Variants in SIGLEC8 observed in about 807,000 individuals in gnomAD.
The protein encoded by SIGLEC8 is sialic acid-binding Ig-like lectin 8.
A neutral mutation model predicts 42.1 loss-of-function variants in SIGLEC8; 32 were observed. The observed-to-expected ratio is 0.76, with a 90% CI of 0.57 to 1.02. The LOEUF is 1.02. Among genes scored for constraint, SIGLEC8 ranks in the 50% least tolerant of loss-of-function variants. The pLI is 0.00. For synonymous variants in SIGLEC8, 262 were observed against 260.3 expected, an observed-to-expected ratio of 1.01 and a Z score of -0.06; for missense variants, 611 against 610.2, an observed-to-expected ratio of 1.00 and a Z score of -0.01.
chr19:51,457,154 C>T, intron 3 of SIGLEC8, 30 bp downstream of exon 3: 1 of 1,608,702 alleles, frequency 6.2e-7, no homozygotes, highest in South Asian at 1.1e-5. Context: ...GCCCTGCTCC[C>T]CCAACCCCAG....
In SIGLEC8 at chr19:51,451,101, A is replaced by T. The variant is rs1343952499; in HGVS notation, c.*1278T>A. ...GGAAGGGGAACCAGGCACATCTTAC[A>T]TGGTGGCAGGCAAGAGAGAAGAGCA... is the stretch of plus-strand genomic sequence containing the variant. On this transcript the variant is annotated 3_prime_UTR_variant, in exon 7 of 7. Transcript: ENST00000321424. 1 of 152,266 alleles carries T rather than the reference A, an allele frequency of 6.6e-6. No homozygotes were observed. The highest frequency in any genetic ancestry group is 2.4e-5 in the African/African-American group (1 of 41,540). 9.4% of individuals were successfully genotyped at this position (152,266 alleles called of 1,614,324 possible).
rs768450422 is a variant in SIGLEC8 at position 51,455,592 on chromosome 19, G to C, written c.877C>G (p.Leu293Val). Residue 293 changes from leucine to valine, a missense_variant, in exon 4 of 7, where the codon CTG (leucine) becomes GTG (valine). Physicochemically the swap from Leu to Val is conservative, Grantham distance 32. Coordinates refer to ENST00000321424, the MANE Select transcript of SIGLEC8 (RefSeq NM_014442.3). ...CAVNSNPPAR[L>V]SWTRGSLTLC... The stretch of plus-strand genomic sequence containing the variant: ...GTCAGGCTCCCCCGGGTCCAGCTCA[G>C]CCTGGCAGGGGGATTGCTGTTGACA... 4 of 1,614,172 alleles carry C rather than the reference G, an allele frequency of 2.5e-6. No homozygotes were observed. The South Asian group carries it at 4.4e-5, about 18-fold the overall frequency.
In SIGLEC8 at chr19:51,455,409, C is replaced by T. The variant is rs1989465063; in HGVS notation, c.1051+9G>A. 1.2e-6 allele frequency: 2 copies of T among 1,612,374 alleles called. No homozygotes were observed. Among genetic ancestry groups the T allele is most frequent in the Non-Finnish European group, 1.7e-6 (2 of 1,179,498 alleles). ...TGTGTTCTCCTCCTCCAGCCCCTCC[C>T]TTACCCACCTGTGCCCTCATTCTGC... On this transcript the variant is annotated intron_variant, in intron 4 of 6. Coordinates refer to ENST00000321424, the MANE Select transcript of SIGLEC8 (RefSeq NM_014442.3).
In SIGLEC8 at chr19:51,458,253, C is replaced by T. The variant is rs1268143994; in HGVS notation, c.135G>A (p.Val45=). Residue 45 remains valine (V), a synonymous_variant, in exon 1 of 7, where the codon GTG becomes GTA. Coordinates refer to ENST00000321424, the MANE Select transcript of SIGLEC8 (RefSeq NM_014442.3). ...VTVQEGLCVH[V]PCSFSYPQDG... ...CCTGGGGGTAGGAGAAGGAGCAGGGCACATGGACACACAGGCCCTCCTGCA... is the reference window on the plus strand; with the variant it reads ...CCTGGGGGTAGGAGAAGGAGCAGGGTACATGGACACACAGGCCCTCCTGCA... 1 of 1,614,138 alleles carries T rather than the reference C, an allele frequency of 6.2e-7. No individual in the cohort carries two copies. Among genetic ancestry groups the T allele is most frequent in the South Asian group, 1.1e-5 (1 of 91,084 alleles).
chr19:51,452,757 G>A, intron 6 of SIGLEC8, 124 bp from the exon 7 acceptor site: 2 of 866,082 alleles, frequency 2.3e-6, no homozygotes, highest in Middle Eastern at 3.9e-4. Flanking sequence ...TTGTCGAAGT[G>A]TCTTTCATGC....
Position 51,451,654 on chromosome 19 carries a change from C to G in SIGLEC8, c.*725G>C, listed in dbSNP as rs906488993. The G allele has an allele frequency of 1.3e-5, 2 of 152,190 alleles. No homozygotes were observed. Among genetic ancestry groups the G allele is most frequent in the Non-Finnish European group, 2.9e-5 (2 of 68,042 alleles). 9.4% of individuals were successfully genotyped at this position (152,190 alleles called of 1,614,324 possible). ...AGAGACCCAGTGAGATTTCCACACC[C>G]GGATACATCGTGGAACCATCAAGGC... On this transcript the variant is annotated 3_prime_UTR_variant, in exon 7 of 7. Coordinates refer to ENST00000321424, the MANE Select transcript of SIGLEC8 (RefSeq NM_014442.3).
In SIGLEC8 at chr19:51,451,981, C is replaced by A. The variant is rs565527536; in HGVS notation, c.*398G>T. ...GCTGAGGCAGGAGAATCGTTTGAAC[C>A]CAGGAGGTGGAGGTTGCAGTGAGCA... is the stretch of plus-strand genomic sequence containing the variant. On this transcript the variant is annotated 3_prime_UTR_variant, in exon 7 of 7. Transcript: ENST00000321424. 6.0e-4 allele frequency: 92 copies of A among 154,362 alleles called. No homozygotes were observed. The highest frequency in any genetic ancestry group is 1.4e-3 in the Admixed American group (21 of 15,346). 9.6% of individuals were successfully genotyped at this position (154,362 alleles called of 1,614,324 possible). A position where few individuals can be genotyped will look rare whatever the true frequency, so the allele number is the denominator to read the frequency against.
chr19:51,457,263 C>G (rs1568515616), intron 2 of SIGLEC8, 32 bp from the exon 3 acceptor site: 2 of 1,603,176 alleles, frequency 1.2e-6, no homozygotes, highest in African/African-American at 2.7e-5. Context: ...ACCCACATTA[C>G]TATAAGGACT....
rs780772615 is a variant in SIGLEC8 at position 51,457,577 on chromosome 19, G to A, written c.617C>T (p.Ser206Phe). ...VSSPGPTTAR[S>F]SVLTLTPKPQ... ...CTTTGGGGTAAGGGTGAGCACTGAG[G>A]AGCGGGCAGTAGTGGGGCCCGGGGA... Residue 206 changes from serine to phenylalanine, a missense_variant, in exon 2 of 7, where the codon TCC becomes TTC. Physicochemically the swap from Ser to Phe is radical, Grantham distance 155. Coordinates refer to ENST00000321424, the MANE Select transcript of SIGLEC8 (RefSeq NM_014442.3). The A allele has an allele frequency of 1.9e-6, 3 of 1,613,862 alleles. No homozygotes were observed. Among genetic ancestry groups the A allele is most frequent in the African/African-American group, 1.3e-5 (1 of 75,036 alleles).
rs767184536 is a variant in SIGLEC8 at position 51,457,750 on chromosome 19, T to C, written c.455-11A>G. 5 of 1,564,008 alleles carry C rather than the reference T, an allele frequency of 3.2e-6. No individual in the cohort carries two copies. Among genetic ancestry groups the C allele is most frequent in the Non-Finnish European group, 2.6e-6 (3 of 1,158,830 alleles). ...GCCTATGGGTCAGGGCTGGTGAAGA[T>C]GGGGACACAGGATCAGGAGGAGGTA... is the stretch of plus-strand genomic sequence containing the variant. On this transcript the variant is annotated splice_polypyrimidine_tract_variant and intron_variant, in intron 1 of 6. Coordinates refer to ENST00000321424, the MANE Select transcript of SIGLEC8 (RefSeq NM_014442.3).
At position 51,452,386 on chromosome 19, in the gene SIGLEC8, C is replaced by G; in HGVS notation, c.1493G>C (p.Arg498Thr). 1 of 1,599,064 alleles carries G rather than the reference C, an allele frequency of 6.3e-7. No homozygotes were observed. The highest frequency in any genetic ancestry group is 8.6e-7 in the Non-Finnish European group (1 of 1,167,528). Reference sequence around the variant, plus strand: ...GTTCTTGTTCTATGAGAATCAGCCTCTGACTTCTTTGCTGGAGGGGTTGTG... The same window carrying G: ...GTTCTTGTTCTATGAGAATCAGCCTGTGACTTCTTTGCTGGAGGGGTTGTG... ...RNHNPSSKEVRG is the reference protein window; with the variant it reads ...RNHNPSSKEVTG The change falls in exon 7 of 7, where the codon AGA becomes ACA. Residue 498 changes from arginine to threonine, a missense_variant. Arg to Thr is a moderately conservative substitution (Grantham distance 71). Transcript: ENST00000321424.
rs952498817 is a variant in SIGLEC8 at position 51,454,376 on chromosome 19, A to G, written c.1149-61T>C. The G allele has an allele frequency of 2.5e-6, 4 of 1,611,748 alleles. No homozygotes were observed. In the African/African-American group the frequency reaches 5.3e-5, roughly 22 times the overall value. Reference sequence around the variant, plus strand: ...CAGATCGGGGTGCAGTGGGCAGACCAACCCCTGCCCTGTATTTCCTACTGG... The same window carrying G: ...CAGATCGGGGTGCAGTGGGCAGACCGACCCCTGCCCTGTATTTCCTACTGG... On this transcript the variant is annotated intron_variant, in intron 5 of 6. Transcript: ENST00000321424. This position sits in a 1 kb window ranked among gnomAD's most constrained non-coding sequence, Gnocchi z 4.7.
At chr19:51,453,108 A>T (rs1201345268) in intron 6 of SIGLEC8, among the ~76,000 whole-genome samples, 4 of 149,584 alleles carry the variant, frequency 2.7e-5, no homozygotes, top group African/African-American at 9.9e-5. Context: ...TTTTTTTTTG[A>T]GACAGAGTCT....
In SIGLEC8 at chr19:51,452,212, A is replaced by G. The variant is rs1168678721; in HGVS notation, c.*167T>C. ...TGGAATCTAAAATAGTCAACCTCAG[A>G]GAGGTCGAGAGGAGAATGGTGGGTA... On this transcript the variant is annotated 3_prime_UTR_variant, in exon 7 of 7. Transcript: ENST00000321424. 4 of 520,870 alleles carry G rather than the reference A, an allele frequency of 7.7e-6. No individual in the cohort carries two copies. Among genetic ancestry groups the G allele is most frequent in the Non-Finnish European group, 1.4e-5 (4 of 292,266 alleles). The allele number at this position is 520,870 out of a possible 1,614,324, so 32.3% of individuals were successfully genotyped here. A position where few individuals can be genotyped will look rare whatever the true frequency, so the allele number is the denominator to read the frequency against.
Position 51,458,246 on chromosome 19 carries a change from A to G in SIGLEC8, c.142T>C (p.Ser48Pro), listed in dbSNP as rs764565004. The stretch of plus-strand genomic sequence containing the variant: ...CAGCCATCCTGGGGGTAGGAGAAGG[A>G]GCAGGGCACATGGACACACAGGCCC... ...QEGLCVHVPCSFSYPQDGWTD... is the reference protein window; with the variant it reads ...QEGLCVHVPCPFSYPQDGWTD... The change falls in exon 1 of 7, where the codon TCC (serine) becomes CCC (proline). Residue 48 changes from serine to proline, a missense_variant. By Grantham distance (74) the Ser-to-Pro change is moderately conservative (BLOSUM62 -1). Coordinates refer to ENST00000321424, the MANE Select transcript of SIGLEC8 (RefSeq NM_014442.3). 2.5e-6 allele frequency: 4 copies of G among 1,614,146 alleles called. No individual in the cohort carries two copies. In the South Asian group the frequency reaches 4.4e-5, roughly 18 times the overall value.
At position 51,457,360 on chromosome 19, in the gene SIGLEC8, C is replaced by A. The variant is rs1297019472; in HGVS notation, c.733+101G>T. The A allele has an allele frequency of 5.9e-6, 9 of 1,522,930 alleles. No homozygotes were observed. In the African/African-American group the frequency reaches 1.2e-4, roughly 21 times the overall value. 94.3% of individuals were successfully genotyped at this position (1,522,930 alleles called of 1,614,324 possible). ...CCTGACCCCACTCCCAGCCCAGATT[C>A]TGGGACCCAGAACCCAGTGTCCAGG... On this transcript the variant is annotated intron_variant, in intron 2 of 6. Transcript: ENST00000321424.
intron 3 of SIGLEC8, among the ~76,000 whole-genome samples, 180 bp downstream of exon 3, chr19:51,457,004 A>G (rs1443404786): frequency 6.6e-6 from 1 of 152,132 alleles, no homozygotes; most frequent in Admixed American, 6.5e-5. Context: ...GGGAGCAGGG[A>G]CAGGATGGGG....
In SIGLEC8 at chr19:51,452,584, G is replaced by A. The variant is rs1295581501; in HGVS notation, c.1295C>T (p.Pro432Leu). The A allele has an allele frequency of 1.3e-6, 2 of 1,576,012 alleles. No individual in the cohort carries two copies. Among genetic ancestry groups the A allele is most frequent in the East Asian group, 2.3e-5 (1 of 44,126 alleles). ...CCCTGACGAGGGGGCAACAGCTGGG[G>A]GAGGCTTCTTCAGGGGGTTGCCATC... ...WKDGNPLKKP[P>L]PAVAPSSGEE... The change falls in exon 7 of 7, where the codon CCC (proline) becomes CTC (leucine). Residue 432 changes from proline (P) to leucine (L), a missense_variant. Physicochemically the swap from Pro to Leu is moderately conservative, Grantham distance 98. Coordinates refer to ENST00000321424, the MANE Select transcript of SIGLEC8 (RefSeq NM_014442.3).
Position 51,453,967 on chromosome 19 carries a change from A to C in SIGLEC8, c.1245+252T>G, listed in dbSNP as rs143259954. On this transcript the variant is annotated intron_variant, in intron 6 of 6. Coordinates refer to ENST00000321424, the MANE Select transcript of SIGLEC8 (RefSeq NM_014442.3). ...GAGGAAAAATGGAGGAGAGATGGTGAATCGGGGCTATAGAGAAGAAAAGGA... is the reference window on the plus strand; with the variant it reads ...GAGGAAAAATGGAGGAGAGATGGTGCATCGGGGCTATAGAGAAGAAAAGGA... 3.5e-4 allele frequency: 340 copies of C among 985,240 alleles called. 1 individual carries two copies. In the African/African-American group the frequency reaches 5.6e-3, roughly 16 times the overall value. The allele number at this position is 985,240 out of a possible 1,614,324, so 61.0% of individuals were successfully genotyped here. A position where few individuals can be genotyped will look rare whatever the true frequency, so the allele number is the denominator to read the frequency against.
Sources: allele counts gnomAD v4.1 joint callset (sites outside exome capture counted in the v4.1 genomes callset), GRCh38; gene constraint gnomAD v4.1.1; non-coding constraint Gnocchi (gnomAD v3.1); transcripts MANE v1.5; gene names NCBI Gene and HGNC (gene_info 2026-07-23, HGNC 2026-07-21).